ASNS: variants seen among roughly 807,000 people sequenced by gnomAD.
The protein encoded by ASNS is asparagine synthetase (glutamine-hydrolyzing), also known as asparagine synthetase [glutamine-hydrolyzing].
A neutral mutation model predicts 62.6 loss-of-function variants in ASNS; 37 were observed. That is an observed-to-expected ratio of 0.59 (90% confidence interval 0.45 to 0.78). ASNS has a LOEUF of 0.78. ASNS is among the 30% of genes least tolerant of loss of function. ASNS has a pLI of 0.00. For synonymous variants in ASNS, 207 were observed against 237.9 expected, an observed-to-expected ratio of 0.87 and a Z score of 1.19; for missense variants, 520 against 682.4, an observed-to-expected ratio of 0.76 and a Z score of 2.65.
the ASNS span, among the ~76,000 whole-genome samples, chr7:97,885,110 T>C: frequency 6.6e-6 from 1 of 152,258 alleles, no homozygotes; most frequent in Non-Finnish European, 1.5e-5. Flanking sequence ...ATTTGCGTGT[T>C]CTGGACATTT....
chr7:97,924,739 T>A, the ASNS span, among the ~76,000 whole-genome samples: 1 of 152,224 alleles, frequency 6.6e-6, no homozygotes, highest in African/African-American at 2.4e-5. Flanking sequence ...TGGGTGATAT[T>A]CTGGTCTGCA....
upstream of ASNS, among the ~76,000 whole-genome samples, chr7:97,876,042 A>G (rs1308492778): frequency 6.6e-6 from 1 of 152,068 alleles, no homozygotes; most frequent in East Asian, 1.9e-4. Flanking sequence ...TTTTTAGTAG[A>G]GATGGGGTTT....
At chr7:97,853,928 T>G (rs1253270759) in intron 10 of ASNS, among the ~76,000 whole-genome samples, 25 of 152,178 alleles carry the variant, frequency 1.6e-4, no homozygotes, top group Non-Finnish European at 7.4e-5. Flanking sequence ...AATGACCAGA[T>G]TCAGTTCATT....
chr7:97,889,940 A>AAAAAAAAAAAAAAAC, the ASNS span, among the ~76,000 whole-genome samples: 1 of 149,426 alleles, frequency 6.7e-6, no homozygotes, highest in Admixed American at 6.7e-5. Context: ...AAAAAAAAAA[A>AAAAAAAAAAAAAAAC]AAAAAAAAAA....
At chr7:97,882,252 T>C in the ASNS span, among the ~76,000 whole-genome samples, 1 of 152,116 alleles carries the variant, frequency 6.6e-6, no homozygotes, top group East Asian at 1.9e-4. Context: ...AAATGTGCTT[T>C]TAAAAACAAC....
intron 3 of ASNS, among the ~76,000 whole-genome samples, chr7:97,866,997 TA>T (rs1291015485): frequency 6.6e-6 from 1 of 152,228 alleles, no homozygotes; most frequent in Non-Finnish European, 1.5e-5. Flanking sequence ...CTCTTTGGCC[TA>T]AACTTTGCAG....
chr7:97,888,013 G>A, the ASNS span, among the ~76,000 whole-genome samples: 1 of 152,144 alleles, frequency 6.6e-6, no homozygotes, highest in Non-Finnish European at 1.5e-5. Context: ...CTCCCTCTTT[G>A]CCTAGGCTAG....
At chr7:97,882,441 G>A in the ASNS span, among the ~76,000 whole-genome samples, 1 of 151,906 alleles carries the variant, frequency 6.6e-6, no homozygotes, top group East Asian at 1.9e-4. Flanking sequence ...CCAGCTACTC[G>A]GGAGGCTGAG....
At chr7:97,889,994 A>G in the ASNS span, among the ~76,000 whole-genome samples, 1 of 151,478 alleles carries the variant, frequency 6.6e-6, no homozygotes, top group Non-Finnish European at 1.5e-5. Context: ...CAAATTCAAC[A>G]GAGATAGACA....
chr7:97,891,646 T>C, the ASNS span, among the ~76,000 whole-genome samples: 1 of 152,190 alleles, frequency 6.6e-6, no homozygotes, highest in Non-Finnish European at 1.5e-5. Flanking sequence ...ACAAAGGGGC[T>C]ACAGGACCCA....
intron 10 of ASNS, among the ~76,000 whole-genome samples, chr7:97,854,022 T>C (rs1791310601): frequency 6.6e-6 from 1 of 152,244 alleles, no homozygotes; most frequent in African/African-American, 2.4e-5. Context: ...TTGTTTATCC[T>C]GTACAGTAAA....
chr7:97,862,126 G>A (rs1584468472), intron 4 of ASNS, among the ~76,000 whole-genome samples: 1 of 50,084 alleles, frequency 2.0e-5, no homozygotes, highest in Non-Finnish European at 4.7e-5. Flanking sequence ...AATTAGAAAT[G>A]GGTAATTCAA....
At chr7:97,863,980 G>A (rs1791841812) in intron 4 of ASNS, 2 of 317,446 alleles carry the variant, frequency 6.3e-6, no homozygotes, top group Non-Finnish European at 5.7e-6. Context: ...GTATGACACA[G>A]GAAAACTTAA....
the ASNS span, among the ~76,000 whole-genome samples, chr7:97,911,373 TC>T: frequency 6.6e-5 from 10 of 152,212 alleles, no homozygotes; most frequent in African/African-American, 2.4e-4. Flanking sequence ...GCACAGCAGC[TC>T]ATGCCTGTAA....
Position 97,852,341 on chromosome 7 carries a change from T to C in ASNS, c.1604A>G (p.His535Arg), listed in dbSNP as rs1390246839. The change falls in exon 13 of 13, where the codon CAT (histidine) becomes CGT (arginine). Residue 535 changes from histidine (H) to arginine (R), a missense_variant. Transcript: ENST00000394308. ...HYPGRADWLS[H>R]YWMPKWINAT... is the part of the protein sequence containing the mutation. ...ATTGATCCACTTGGGCATCCAGTAA[T>C]GGCTCAGCCAGTCAGCCCGGCCTGG... 1.2e-6 allele frequency: 2 copies of C among 1,614,152 alleles called. No individual in the cohort carries two copies. Among genetic ancestry groups the C allele is most frequent in the Non-Finnish European group, 1.7e-6 (2 of 1,180,024 alleles).
chr7:97,852,247 C>T lies in ASNS; in HGVS notation c.*12G>A, dbSNP rs770435446. ...AGAAATATTTGCTTTCACATTACAG[C>T]ATAAAGACCACCTAAGCTTTGACAG... On this transcript the variant is annotated 3_prime_UTR_variant, in exon 13 of 13. Coordinates refer to ENST00000394308, the MANE Select transcript of ASNS (RefSeq NM_001673.5). 2 of 1,613,902 alleles carry T rather than the reference C, an allele frequency of 1.2e-6. No individual in the cohort carries two copies. Among genetic ancestry groups the T allele is most frequent in the Admixed American group, 1.7e-5 (1 of 59,938 alleles).
the ASNS span, among the ~76,000 whole-genome samples, chr7:97,914,758 A>G: frequency 6.6e-6 from 1 of 152,224 alleles, no homozygotes; most frequent in Non-Finnish European, 1.5e-5. Flanking sequence ...CACATTAGGT[A>G]TCTCACCTTT....
At chr7:97,864,051 G>A (rs1049907333) in intron 4 of ASNS, 8 of 517,544 alleles carry the variant, frequency 1.5e-5, no homozygotes, top group Non-Finnish European at 2.0e-5. Context: ...ATAAACGACT[G>A]CACTAAAGAA....
At chr7:97,915,383 T>C in the ASNS span, among the ~76,000 whole-genome samples, 3 of 152,254 alleles carry the variant, frequency 2.0e-5, no homozygotes, top group African/African-American at 7.2e-5. Context: ...GAGCCTCAAC[T>C]TTCTCATCTG....
Sources: allele counts gnomAD v4.1 joint callset (sites outside exome capture counted in the v4.1 genomes callset), GRCh38; gene constraint gnomAD v4.1.1; transcripts MANE v1.5; gene names NCBI Gene and HGNC (gene_info 2026-07-23, HGNC 2026-07-21).